INPP4B: variants seen among roughly 807,000 people sequenced by gnomAD.
The protein encoded by INPP4B is inositol polyphosphate 4-phosphatase type II.
Under a neutral mutation model 122.5 loss-of-function variants are expected in INPP4B, and 55 were observed. The ratio of observed to expected loss-of-function variants is 0.45; its 90% CI spans 0.36 to 0.56. INPP4B has a LOEUF of 0.56. INPP4B is among the 20% of genes least tolerant of loss of function. INPP4B has a pLI of 0.00. For missense variants in INPP4B, 1,000 were observed against 1,097.7 expected (o/e 0.91, Z 1.26); for synonymous variants, 403 against 388.7 (o/e 1.04, Z -0.43).
chr4:142,598,009 A>G (rs1739082722), intron 2 of INPP4B, among the ~76,000 whole-genome samples: 1 of 152,202 alleles, frequency 6.6e-6, no homozygotes, highest in African/African-American at 2.4e-5. Context: ...AACTAGAAAC[A>G]TTGCACACCT....
At chr4:142,828,770 G>C (rs899077017) in intron 1 of INPP4B, among the ~76,000 whole-genome samples, 2 of 152,182 alleles carry the variant, frequency 1.3e-5, no homozygotes, top group African/African-American at 4.8e-5. Flanking sequence ...AACTATGCAT[G>C]AAGTGCCCAA....
chr4:142,618,647 G>A (rs994752499), intron 2 of INPP4B, among the ~76,000 whole-genome samples: 1 of 151,954 alleles, frequency 6.6e-6, no homozygotes, highest in Non-Finnish European at 1.5e-5. Context: ...AAAAAATAGA[G>A]GAAAATCTTC....
chr4:142,244,212 T>G (rs1159202152), intron 11 of INPP4B, among the ~76,000 whole-genome samples: 1 of 151,560 alleles, frequency 6.6e-6, no homozygotes, highest in African/African-American at 2.4e-5. Flanking sequence ...GTTTCCAGCT[T>G]CATCGATGTC....
chr4:142,218,434 C>T (rs995254073), intron 12 of INPP4B, among the ~76,000 whole-genome samples: 13 of 152,046 alleles, frequency 8.6e-5, no homozygotes, highest in African/African-American at 3.1e-4. Flanking sequence ...TATATAAATT[C>T]AAAAATGTCA....
At chr4:142,492,881 G>A (rs1402123811) in intron 2 of INPP4B, among the ~76,000 whole-genome samples, 2 of 152,132 alleles carry the variant, frequency 1.3e-5, no homozygotes, top group African/African-American at 2.4e-5. Context: ...ATGTCTCAAG[G>A]GCATGTCAGA....
intron 2 of INPP4B, among the ~76,000 whole-genome samples, chr4:142,575,782 A>C (rs181542238): frequency 2.0e-5 from 3 of 152,058 alleles, no homozygotes; most frequent in Non-Finnish European, 4.4e-5. Context: ...AAGTAGTACA[A>C]ATATGACATA....
At chr4:142,357,074 C>T (rs1453488445) in intron 7 of INPP4B, among the ~76,000 whole-genome samples, 1 of 152,046 alleles carries the variant, frequency 6.6e-6, no homozygotes, top group Non-Finnish European at 1.5e-5. Flanking sequence ...TTTACCTCTT[C>T]ATCTGGGCTG....
chr4:142,128,643 G>T (rs1799791797), intron 18 of INPP4B, among the ~76,000 whole-genome samples: 2 of 152,146 alleles, frequency 1.3e-5, no homozygotes, highest in Non-Finnish European at 2.9e-5. Context: ...ATGTGGCTTA[G>T]CTGAGCTTTT....
chr4:142,843,869 A>G (rs895250930), intron 1 of INPP4B, among the ~76,000 whole-genome samples: 1 of 152,094 alleles, frequency 6.6e-6, no homozygotes, highest in African/African-American at 2.4e-5. Flanking sequence ...CTGGGGATTT[A>G]TAGTACTTAT....
At chr4:142,643,478 G>A (rs1035932391) in intron 2 of INPP4B, among the ~76,000 whole-genome samples, 59 of 152,174 alleles carry the variant, frequency 3.9e-4, no homozygotes, top group Non-Finnish European at 8.1e-4. Context: ...GGAGGTGAAA[G>A]CAAGCCTCTA....
At chr4:142,720,828 T>C (rs1403170102) in intron 2 of INPP4B, among the ~76,000 whole-genome samples, 3 of 111,952 alleles carry the variant, frequency 2.7e-5, no homozygotes, top group Non-Finnish European at 5.5e-5. Context: ...TATATATATA[T>C]AGTTTTCTTA....
intron 5 of INPP4B, among the ~76,000 whole-genome samples, chr4:142,421,966 G>T (rs1020620705): frequency 6.6e-5 from 10 of 152,206 alleles, no homozygotes; most frequent in African/African-American, 2.4e-4. Flanking sequence ...ATTGCCTGAT[G>T]GTTAAAAGCA....
intron 23 of INPP4B, among the ~76,000 whole-genome samples, chr4:142,106,655 T>C (rs960271051): frequency 1.3e-5 from 2 of 152,196 alleles, no homozygotes; most frequent in Admixed American, 1.3e-4. Context: ...TACTTTGTAA[T>C]ATATATTTTG....
In INPP4B at chr4:142,693,462, C is replaced by T. The variant is rs1249847475; in HGVS notation, c.-191+32377G>A. Among the ~76,000 whole-genome samples, 7 of 108,054 alleles carry T rather than the reference C, an allele frequency of 6.5e-5. No homozygotes were observed. In the Admixed American group the frequency reaches 9.7e-4, roughly 15 times the overall value. 70.9% of individuals were successfully genotyped at this position (108,054 alleles called of 152,430 possible). A position where few individuals can be genotyped will look rare whatever the true frequency, so the allele number is the denominator to read the frequency against. ...TTACAACTTTCTGGCATTTAGCTGG[C>T]TATCTTAAAATGCCTTTTTCTAAAA... On this transcript the variant is annotated intron_variant, in intron 2 of 25. Transcript: ENST00000262992.
intron 1 of INPP4B, among the ~76,000 whole-genome samples, chr4:142,756,445 A>G (rs1040721913): frequency 6.6e-6 from 1 of 152,048 alleles, no homozygotes; most frequent in African/African-American, 2.4e-5. Flanking sequence ...AATCATCCCA[A>G]CTAAGCTACA....
At chr4:142,811,398 TGACCCAAA>T (rs1413093426) in intron 1 of INPP4B, among the ~76,000 whole-genome samples, 6 of 152,218 alleles carry the variant, frequency 3.9e-5, no homozygotes, top group Non-Finnish European at 8.8e-5. Context: ...TAGCCTGTCC[TGACCCAAA>T]GACATTATGC....
At chr4:142,625,554 T>A (rs1256323811) in intron 2 of INPP4B, among the ~76,000 whole-genome samples, 1 of 152,106 alleles carries the variant, frequency 6.6e-6, no homozygotes, top group African/African-American at 2.4e-5. Flanking sequence ...ATGGCCATAC[T>A]GCCCAAGGTA....
chr4:142,716,054 C>G (rs1426288606), intron 2 of INPP4B, among the ~76,000 whole-genome samples: 1 of 152,152 alleles, frequency 6.6e-6, no homozygotes, highest in African/African-American at 2.4e-5. Context: ...GCTTCTATGT[C>G]AACTTTATGA....
intron 9 of INPP4B, among the ~76,000 whole-genome samples, chr4:142,302,879 A>G (rs1234275909): frequency 6.6e-6 from 1 of 152,174 alleles, no homozygotes; most frequent in Non-Finnish European, 1.5e-5. Context: ...GATGTAGACA[A>G]TATTATTAAA....
Sources: gnomAD v4.1 joint callset for allele counts (sites outside exome capture counted in the v4.1 genomes callset) on GRCh38, gnomAD v4.1.1 for gene constraint, MANE v1.5 for transcripts, NCBI Gene and HGNC (gene_info 2026-07-23, HGNC 2026-07-21) for gene names.